Variants in EP300 observed in about 807,000 individuals in gnomAD.
EP300 encodes EP300 lysine acetyltransferase, also known as histone acetyltransferase p300.
Under a neutral mutation model 264.0 loss-of-function variants are expected in EP300, and 31 were observed. That is an observed-to-expected ratio of 0.12 (90% CI 0.09 to 0.16). The LOEUF (loss-of-function observed/expected upper bound fraction) is 0.16, where lower values mean the gene tolerates loss of function less well. Among genes scored for constraint, EP300 ranks in the 10% least tolerant of loss-of-function variants. The pLI is 1.00. For synonymous variants in EP300, 1,340 were observed against 1,045.4 expected, an observed-to-expected ratio of 1.28 and a Z score of -5.44; for missense variants, 2,766 against 3,052.9, an observed-to-expected ratio of 0.91 and a Z score of 2.21.
intron 2 of EP300, among the ~76,000 whole-genome samples, chr22:41,120,641 T>C (rs1477383411): frequency 6.6e-6 from 1 of 152,174 alleles, no homozygotes; most frequent in East Asian, 1.9e-4. Flanking sequence ...TGGTGATTTA[T>C]AGGAAGAAAC....
intron 22 of EP300, among the ~76,000 whole-genome samples, chr22:41,165,168 C>T (rs1229008306): frequency 6.6e-6 from 1 of 152,052 alleles, no homozygotes; most frequent in African/African-American, 2.4e-5. Context: ...CTTTTTAGTG[C>T]TTTCCTTAAC....
At chr22:41,168,661 A>G (rs1024803057) in intron 24 of EP300, 60 bp from the exon 25 acceptor site, 57 of 1,614,062 alleles carry the variant, frequency 3.5e-5, no homozygotes, top group Middle Eastern at 1.6e-4. Flanking sequence ...CATGGTTACT[A>G]TTGGTGATTC....
chr22:41,142,187 A>G (rs188118703), intron 10 of EP300, among the ~76,000 whole-genome samples: 4 of 152,330 alleles, frequency 2.6e-5, no homozygotes, highest in Admixed American at 1.3e-4. Context: ...CAAGGCTGTG[A>G]TAGGAAAAAC....
At position 41,167,584 on chromosome 22, in the gene EP300, GTATATA is replaced by G. The variant is rs56131556; in HGVS notation, c.3875-818_3875-813del. 9.4e-3 allele frequency among the ~76,000 whole-genome samples: 318 copies of G among 33,974 alleles called. 4 individuals are homozygous for G. Among genetic ancestry groups the G allele is most frequent in the East Asian group, 0.052 (33 of 636 alleles). 22.3% of individuals were successfully genotyped at this position (33,974 alleles called of 152,430 possible). On this transcript the variant is annotated intron_variant, in intron 23 of 30. Transcript: ENST00000263253. Reference sequence around the variant, plus strand: ...TTTGTGTGTGTGTGTGTGTGTGTGTGTATATATATATATATATATATATATATATAT... The same window carrying G: ...TTTGTGTGTGTGTGTGTGTGTGTGTGTATATATATATATATATATATATAT...
At chr22:41,127,428 T>C (rs890212102) in intron 3 of EP300, 59 bp from the exon 4 acceptor site, 11 of 1,602,252 alleles carry the variant, frequency 6.9e-6, no homozygotes, top group Admixed American at 3.3e-5. Flanking sequence ...CACATCTCTA[T>C]TTATTAAGAA....
intron 17 of EP300, among the ~76,000 whole-genome samples, chr22:41,155,457 C>T (rs1330637514): frequency 1.3e-5 from 2 of 152,058 alleles, no homozygotes; most frequent in East Asian, 1.9e-4. Flanking sequence ...TGGTCTTGAA[C>T]GCCTGGACTC....
rs891984455 is a variant in EP300 at position 41,147,058 on chromosome 22, A to C, written c.2131+242A>C. The stretch of plus-strand genomic sequence containing the variant: ...GGTGGCTCACGCTTGTAATCCCAGC[A>C]CTTTGGGAGGCCGAGGCTGGTGTAC... On this transcript the variant is annotated intron_variant, in intron 11 of 30. Transcript: ENST00000263253. 1.3e-3 allele frequency among the ~76,000 whole-genome samples: 197 copies of C among 152,326 alleles called. 2 individuals carry two copies. Among genetic ancestry groups the C allele is most frequent in the Non-Finnish European group, 1.2e-4 (8 of 68,044 alleles).
intron 1 of EP300, among the ~76,000 whole-genome samples, chr22:41,103,803 G>A (rs914799996): frequency 3.3e-5 from 5 of 152,184 alleles, no homozygotes; most frequent in Non-Finnish European, 7.4e-5. Context: ...CATGGTTGGG[G>A]AAAGACTAAT....
In EP300 at chr22:41,179,557, C is replaced by A. The variant is rs972260255; in HGVS notation, c.*601C>A. ...TTAAAAAAAAAAAAAAACTGCCTTT[C>A]TTCCCCTCAAGTCAACTTTTGTGCT... On this transcript the variant is annotated 3_prime_UTR_variant, in exon 31 of 31. Transcript: ENST00000263253. The A allele has an allele frequency of 5.4e-6, 1 of 186,086 alleles. No individual in the cohort carries two copies. Among genetic ancestry groups the A allele is most frequent in the Non-Finnish European group, 1.1e-5 (1 of 91,444 alleles). 11.5% of individuals were successfully genotyped at this position (186,086 alleles called of 1,614,324 possible). A position where few individuals can be genotyped will look rare whatever the true frequency, so the allele number is the denominator to read the frequency against.
Position 41,178,441 on chromosome 22 carries a change from C to A in EP300, c.6730C>A (p.Gln2244Lys), listed in dbSNP as rs972355966. The A allele has an allele frequency of 1.2e-6, 2 of 1,613,950 alleles. No individual in the cohort carries two copies. The highest frequency in any genetic ancestry group is 2.7e-5 in the African/African-American group (2 of 74,884). Residue 2244 changes from glutamine (Q) to lysine (K), a missense_variant, in exon 31 of 31, where the codon CAG (glutamine) becomes AAG (lysine). Gln to Lys is a moderately conservative substitution (Grantham distance 53). Transcript: ENST00000263253. ...ACAAGGAAATATGGGACAGATAGGC[C>A]AGCTTCCCCAGGCCTTGGGAGCAGA... ...MQQGNMGQIGQLPQALGAEAG... is the reference protein window; with the variant it reads ...MQQGNMGQIGKLPQALGAEAG...
At chr22:41,138,738 CT>C (rs1403750397) in intron 8 of EP300, among the ~76,000 whole-genome samples, 1 of 152,068 alleles carries the variant, frequency 6.6e-6, no homozygotes, top group Non-Finnish European at 1.5e-5. Flanking sequence ...AGTATTTTTT[CT>C]TGGAGAAGTC....
intron 1 of EP300, among the ~76,000 whole-genome samples, chr22:41,094,822 T>G (rs2058693254): frequency 6.6e-6 from 1 of 152,202 alleles, no homozygotes; most frequent in Non-Finnish European, 1.5e-5. Flanking sequence ...CTTTTTTGTG[T>G]ACTTTGAGTA....
In EP300 at chr22:41,178,760, G is replaced by A. The variant is rs764471047; in HGVS notation, c.7049G>A (p.Gly2350Glu). ...CCACAGACAAGTTCCCCACATCCTG[G>A]ACTGGTAGCTGCCCAGGCCAACCCC... ...VSPQTSSPHPGLVAAQANPME... is the reference protein window; with the variant it reads ...VSPQTSSPHPELVAAQANPME... Residue 2350 changes from glycine to glutamate, a missense_variant, in exon 31 of 31, where the codon GGA becomes GAA. Physicochemically the swap from Gly to Glu is moderately conservative, Grantham distance 98. Coordinates refer to ENST00000263253, the MANE Select transcript of EP300 (RefSeq NM_001429.4). 6.2e-7 allele frequency: 1 copy of A among 1,614,010 alleles called. No individual in the cohort carries two copies. The highest frequency in any genetic ancestry group is 1.1e-5 in the South Asian group (1 of 91,088).
chr22:41,156,416 T>C (rs1357513807), intron 17 of EP300, among the ~76,000 whole-genome samples: 1 of 127,138 alleles, frequency 7.9e-6, no homozygotes, highest in Non-Finnish European at 1.8e-5. Flanking sequence ...CAGATTTCAT[T>C]TGGTGGTTTT....
At position 41,162,737 on chromosome 22, in the gene EP300, A is replaced by G; in HGVS notation, c.3686A>G (p.Glu1229Gly). The change falls in exon 21 of 31, where the codon GAA becomes GGA. Residue 1229 changes from glutamate to glycine, a missense_variant. Physicochemically the swap from Glu to Gly is moderately conservative, Grantham distance 98. Transcript: ENST00000263253. ...TCTCTCCTTAGTACAATAAATAAAG[A>G]ACAATTTTCCAAGAGAAAAAATGAC... ...PSQPQTTINKEQFSKRKNDTL... is the reference protein window; with the variant it reads ...PSQPQTTINKGQFSKRKNDTL... 1 of 1,612,554 alleles carries G rather than the reference A, an allele frequency of 6.2e-7. No homozygotes were observed. The highest frequency in any genetic ancestry group is 1.1e-5 in the South Asian group (1 of 91,052).
rs985714434 is a variant in EP300 at position 41,177,470 on chromosome 22, G to A, written c.5759G>A (p.Gly1920Glu). The stretch of plus-strand genomic sequence containing the variant: ...CAGACTGCTCAGCCACCCCTTCCAG[G>A]GCCCCCACCTGCAGCAGTGGAAATG... ...PPQTAQPPLP[G>E]PPPAAVEMAM... The change falls in exon 31 of 31, where the codon GGG becomes GAG. Residue 1920 changes from glycine to glutamate, a missense_variant. By Grantham distance (98) the Gly-to-Glu change is moderately conservative. Transcript: ENST00000263253. The A allele has an allele frequency of 6.2e-7, 1 of 1,614,126 alleles. No homozygotes were observed. Among genetic ancestry groups the A allele is most frequent in the Non-Finnish European group, 8.5e-7 (1 of 1,180,028 alleles).
chr22:41,124,860 C>A (rs949450424), intron 2 of EP300, among the ~76,000 whole-genome samples: 10 of 152,124 alleles, frequency 6.6e-5, no homozygotes. Flanking sequence ...ATTTACCATA[C>A]CCAAGGCCCC....
At chr22:41,167,588 A>G (rs889662343) in intron 23 of EP300, among the ~76,000 whole-genome samples, 359 of 5,682 alleles carry the variant, frequency 0.063, 4 homozygotes, top group African/African-American at 0.068. Flanking sequence ...GTGTGTGTAT[A>G]TATATATATA....
In EP300 at chr22:41,155,188, A is replaced by G; in HGVS notation, c.3261+75A>G. 3.6e-6 allele frequency: 4 copies of G among 1,107,662 alleles called. No individual in the cohort carries two copies. The South Asian group carries it at 5.0e-5, about 14-fold the overall frequency. 68.6% of individuals were successfully genotyped at this position (1,107,662 alleles called of 1,614,324 possible). A position where few individuals can be genotyped will look rare whatever the true frequency, so the allele number is the denominator to read the frequency against. The stretch of plus-strand genomic sequence containing the variant: ...TTTATTGAGAGATAATTCACATTCC[A>G]AACAGTATAGCCACTCATTTCAAAT... On this transcript the variant is annotated intron_variant, in intron 17 of 30. Coordinates refer to ENST00000263253, the MANE Select transcript of EP300 (RefSeq NM_001429.4).
Sources: gnomAD v4.1 joint callset for allele counts (sites outside exome capture counted in the v4.1 genomes callset) on GRCh38, gnomAD v4.1.1 for gene constraint, MANE v1.5 for transcripts, NCBI Gene and HGNC (gene_info 2026-07-23, HGNC 2026-07-21) for gene names.